The following PLAG1 variants were observed in gnomAD, a reference collection of about 807,000 sequenced individuals.
PLAG1 encodes the protein zinc finger protein PLAG1.
A neutral mutation model predicts 35.5 loss-of-function variants in PLAG1; 7 were observed. The ratio of observed to expected loss-of-function variants is 0.20; its 90% CI spans 0.11 to 0.37. The LOEUF (loss-of-function observed/expected upper bound fraction) is 0.37, where lower values mean the gene tolerates loss of function less well. PLAG1 is among the 10% of genes least tolerant of loss of function. PLAG1 has a pLI of 1.00. For missense variants in PLAG1, 454 were observed against 602.8 expected (o/e 0.75, Z 2.58); for synonymous variants, 229 against 225.4 (o/e 1.02, Z -0.14).
rs191207104 is a variant in PLAG1, at chr8:56,196,114, C to T, written c.-322+15007G>A. On this transcript the variant is annotated intron_variant, in intron 1 of 4. Transcript: ENST00000316981. ...GTCTAGGGAGCAGAGGAAAAGAGAA[C>T]CCCTAGTAGAACGAGCTGGGGAGCC... Among the ~76,000 whole-genome samples, 889 of 152,258 alleles carry T rather than the reference C, an allele frequency of 5.8e-3. 9 individuals are homozygous for T. The highest frequency in any genetic ancestry group is 0.02 in the African/African-American group (846 of 41,550).
rs145284198 is a variant in PLAG1, at chr8:56,164,320, ATGTG to A, written c.*1919_*1922del. The A allele has an allele frequency of 8.0e-3, 1,717 of 214,440 alleles. 9 individuals carry two copies. The highest frequency in any genetic ancestry group is 0.021 in the Middle Eastern group (14 of 676). The allele number at this position is 214,440 out of a possible 1,614,324, so 13.3% of individuals were successfully genotyped here. A position where few individuals can be genotyped will look rare whatever the true frequency, so the allele number is the denominator to read the frequency against. Reference sequence around the variant, plus strand: ...ATTCTATGAAGTGCGGTATGTGTGCATGTGTGTGTGTGTGTGTATTATATATATA... The same window carrying A: ...ATTCTATGAAGTGCGGTATGTGTGCATGTGTGTGTGTGTATTATATATATA... On this transcript the variant is annotated 3_prime_UTR_variant, in exon 5 of 5. Coordinates refer to ENST00000316981, the MANE Select transcript of PLAG1 (RefSeq NM_002655.3).
At chr8:56,196,075 G>A (rs1207316100) in intron 1 of PLAG1, among the ~76,000 whole-genome samples, 4 of 152,194 alleles carry the variant, frequency 2.6e-5, no homozygotes, top group Non-Finnish European at 2.9e-5. Flanking sequence ...ACCAGAGTTG[G>A]CCAGAAAGGT....
chr8:56,192,815 C>T (rs766713243), intron 1 of PLAG1, among the ~76,000 whole-genome samples: 2 of 152,100 alleles, frequency 1.3e-5, no homozygotes, highest in African/African-American at 2.4e-5. Flanking sequence ...CTGAACCTTA[C>T]AGAGCGTGTA....
rs947615148 is a variant in PLAG1, at chr8:56,188,295, G to C, written c.-321-8782C>G. On this transcript the variant is annotated intron_variant, in intron 1 of 4. Transcript: ENST00000316981. ...CGGGGAAGATGCAGGGAGGGGACAG[G>C]GATCTGATACGGGAAAAAAAATGAA... is the stretch of plus-strand genomic sequence containing the variant. 2.0e-5 allele frequency among the ~76,000 whole-genome samples: 3 copies of C among 152,146 alleles called. No individual in the cohort carries two copies. The East Asian group carries it at 5.8e-4, about 29-fold the overall frequency.
At chr8:56,183,235 T>A (rs1238247114) in intron 1 of PLAG1, among the ~76,000 whole-genome samples, 1 of 152,216 alleles carries the variant, frequency 6.6e-6, no homozygotes, top group Non-Finnish European at 1.5e-5. Context: ...CAAAGCCATA[T>A]AAAAGTTAAT....
chr8:56,178,510 T>C (rs944157544), intron 2 of PLAG1, among the ~76,000 whole-genome samples: 1 of 152,228 alleles, frequency 6.6e-6, no homozygotes, highest in Non-Finnish European at 1.5e-5. Flanking sequence ...CTAACGGTGT[T>C]GATGCTTAAA....
rs1360819603 is a variant in PLAG1, at chr8:56,166,685, C to T, written c.1061G>A (p.Gly354Glu). ...SIPEKEQPLK[G>E]EIESYLMELQ... is the part of the protein sequence containing the mutation. ...CTCCATCAGGTAACTCTCAATTTCC[C>T]CCTTTAATGGCTGTTCTTTTTCAGG... The change falls in exon 5 of 5, where the codon GGG becomes GAG. Residue 354 changes from glycine (G) to glutamate (E), a missense_variant. This residue lies in a region of PLAG1 where 271 missense variants were observed against 315.6 expected (regional missense o/e 0.86). Transcript: ENST00000316981. The T allele has an allele frequency of 6.2e-7, 1 of 1,613,880 alleles. No homozygotes were observed. Among genetic ancestry groups the T allele is most frequent in the African/African-American group, 1.3e-5 (1 of 74,866 alleles).
At chr8:56,201,325 T>C (rs1812546393) in intron 1 of PLAG1, among the ~76,000 whole-genome samples, 1 of 152,216 alleles carries the variant, frequency 6.6e-6, no homozygotes, top group Non-Finnish European at 1.5e-5. Context: ...TTATTCATTA[T>C]TCTGAAATCA....
intron 1 of PLAG1, among the ~76,000 whole-genome samples, chr8:56,189,410 C>T (rs1812116430): frequency 6.6e-6 from 1 of 152,176 alleles, no homozygotes; most frequent in Non-Finnish European, 1.5e-5. Context: ...TCTTCCCCAA[C>T]AGACCAGTAT....
At chr8:56,185,840 TG>T (rs1171434995) in intron 1 of PLAG1, among the ~76,000 whole-genome samples, 1 of 152,222 alleles carries the variant, frequency 6.6e-6, no homozygotes, top group African/African-American at 2.4e-5. Flanking sequence ...CCCCCTGAAG[TG>T]TTTCAATTCA....
rs1048379379 is a variant in PLAG1, at chr8:56,211,159, C to T, written c.-360G>A. 1 of 152,854 alleles carries T rather than the reference C, an allele frequency of 6.5e-6. No homozygotes were observed. The highest frequency in any genetic ancestry group is 1.5e-5 in the Non-Finnish European group (1 of 68,056). 9.5% of individuals were successfully genotyped at this position (152,854 alleles called of 1,614,324 possible). ...CATCCTCCCTCCGGCCCGTCCGCCGCCTCTACACCGCCCGCGGAATTTCTA... is the reference window on the plus strand; with the variant it reads ...CATCCTCCCTCCGGCCCGTCCGCCGTCTCTACACCGCCCGCGGAATTTCTA... On this transcript the variant is annotated 5_prime_UTR_variant, in exon 1 of 5. Coordinates refer to ENST00000316981, the MANE Select transcript of PLAG1 (RefSeq NM_002655.3).
rs1470735895 is a variant in PLAG1 at position 56,161,510 on chromosome 8, C to T, written c.*4733G>A. The T allele has an allele frequency of 4.4e-6, 1 of 227,144 alleles. No homozygotes were observed. Among genetic ancestry groups the T allele is most frequent in the Non-Finnish European group, 8.8e-6 (1 of 114,034 alleles). 14.1% of individuals were successfully genotyped at this position (227,144 alleles called of 1,614,324 possible). A position where few individuals can be genotyped will look rare whatever the true frequency, so the allele number is the denominator to read the frequency against. On this transcript the variant is annotated 3_prime_UTR_variant, in exon 5 of 5. Transcript: ENST00000316981. The stretch of plus-strand genomic sequence containing the variant: ...TTAGTAACATACAGCATGTTCTTCA[C>T]TCCACACCCTATTATAAAGCCCACT...
At chr8:56,209,867 A>G (rs1309402672) in intron 1 of PLAG1, among the ~76,000 whole-genome samples, 1 of 152,150 alleles carries the variant, frequency 6.6e-6, no homozygotes, top group Non-Finnish European at 1.5e-5. Context: ...ATGCAATCTA[A>G]AGCCGGAAAG....
In PLAG1 at chr8:56,171,149, G is replaced by A. The variant is rs942200656; in HGVS notation, c.-176C>T. 1.4e-5 allele frequency: 14 copies of A among 981,492 alleles called. No individual in the cohort carries two copies. The highest frequency in any genetic ancestry group is 1.6e-5 in the Non-Finnish European group (13 of 826,110). 60.8% of individuals were successfully genotyped at this position (981,492 alleles called of 1,614,324 possible). On this transcript the variant is annotated 5_prime_UTR_variant, in exon 3 of 5. The change creates a new upstream start codon in the 5' untranslated region. Transcript: ENST00000316981. The stretch of plus-strand genomic sequence containing the variant: ...TCTTAGCCAGTCCCATTGACTCTTC[G>A]TGGAAGAGAGTGGAATCCAATCCTT...
chr8:56,191,283 C>G (rs191844059), intron 1 of PLAG1, among the ~76,000 whole-genome samples: 9 of 152,186 alleles, frequency 5.9e-5, no homozygotes, highest in Non-Finnish European at 7.4e-5. Flanking sequence ...GCGGTGGCAG[C>G]AGGGAGTATG....
rs193197511 is a variant in PLAG1, at chr8:56,165,622, G to A, written c.*621C>T. The A allele has an allele frequency of 5.0e-6, 1 of 201,570 alleles. No homozygotes were observed. Among genetic ancestry groups the A allele is most frequent in the South Asian group, 1.9e-4 (1 of 5,218 alleles). The allele number at this position is 201,570 out of a possible 1,614,324, so 12.5% of individuals were successfully genotyped here. A position where few individuals can be genotyped will look rare whatever the true frequency, so the allele number is the denominator to read the frequency against. On this transcript the variant is annotated 3_prime_UTR_variant, in exon 5 of 5. Coordinates refer to ENST00000316981, the MANE Select transcript of PLAG1 (RefSeq NM_002655.3). ...TAAATACTGATGCTTTGTGTTTAGG[G>A]TTTGTTTTCCTTAAAGGCTCATAAT...
At chr8:56,186,016 C>T (rs1563383921) in intron 1 of PLAG1, among the ~76,000 whole-genome samples, 1 of 152,168 alleles carries the variant, frequency 6.6e-6, no homozygotes, top group East Asian at 1.9e-4. Flanking sequence ...TGGGCAGGTA[C>T]TCCAGGTAGA....
intron 1 of PLAG1, among the ~76,000 whole-genome samples, chr8:56,195,695 T>G (rs1321741518): frequency 6.6e-6 from 1 of 152,132 alleles, no homozygotes; most frequent in East Asian, 1.9e-4. Flanking sequence ...TTCCCTTGCC[T>G]GAGGCCACCT....
chr8:56,191,009 G>A (rs1299011377), intron 1 of PLAG1, among the ~76,000 whole-genome samples: 1 of 152,164 alleles, frequency 6.6e-6, no homozygotes. Context: ...GGAGCCCGGC[G>A]CTACGGAATT....
Sources: allele counts gnomAD v4.1 joint callset (sites outside exome capture counted in the v4.1 genomes callset), GRCh38; gene constraint gnomAD v4.1.1; regional missense constraint gnomAD v4.1.1; transcripts MANE v1.5; gene names NCBI Gene and HGNC (gene_info 2026-07-23, HGNC 2026-07-21).